The following RANBP3L variants were observed in gnomAD, a reference collection of about 807,000 sequenced individuals.
RANBP3L encodes RAN binding protein 3 like.
A neutral mutation model predicts 67.2 loss-of-function variants in RANBP3L; 56 were observed. The observed-to-expected ratio is 0.83, with a 90% CI of 0.67 to 1.04. The LOEUF (loss-of-function observed/expected upper bound fraction) is 1.04, where lower values mean the gene tolerates loss of function less well. Among genes scored for constraint, RANBP3L ranks in the 50% least tolerant of loss-of-function variants. RANBP3L has a pLI of 0.00. For synonymous variants in RANBP3L, 164 were observed against 181.4 expected (o/e 0.90, Z 0.77); for missense variants, 496 against 535.5 (o/e 0.93, Z 0.73).
intron 1 of RANBP3L, among the ~76,000 whole-genome samples, chr5:36,288,439 G>A (rs948185232): frequency 3.3e-5 from 5 of 152,098 alleles, no homozygotes; most frequent in South Asian, 2.1e-4. Context: ...AATCTGCTAC[G>A]AGCATTCTTG....
intron 8 of RANBP3L, among the ~76,000 whole-genome samples, chr5:36,259,527 G>A (rs1749221755): frequency 6.7e-6 from 1 of 150,138 alleles, no homozygotes; most frequent in African/African-American, 2.5e-5. Flanking sequence ...AGGTTGCAGT[G>A]AGCCGAGATC....
chr5:36,255,670 A>C, intron 10 of RANBP3L, 80 bp from the exon 11 acceptor site: 2 of 903,884 alleles, frequency 2.2e-6, no homozygotes, highest in Non-Finnish European at 3.4e-6. Context: ...TGACACGTTT[A>C]TATGTGTCTA....
chr5:36,289,562 C>T (rs188629572), intron 1 of RANBP3L, among the ~76,000 whole-genome samples: 2 of 152,284 alleles, frequency 1.3e-5, no homozygotes, highest in East Asian at 1.9e-4. Context: ...ATTCAGTCTT[C>T]TTCAGCTTCA....
At chr5:36,271,684 A>G (rs966264627) in intron 1 of RANBP3L, among the ~76,000 whole-genome samples, 1 of 152,202 alleles carries the variant, frequency 6.6e-6, no homozygotes, top group Non-Finnish European at 1.5e-5. Flanking sequence ...CTAATCTAGG[A>G]GTAGTACTTC....
intron 4 of RANBP3L, among the ~76,000 whole-genome samples, chr5:36,266,536 A>C (rs1415425665): frequency 1.3e-5 from 2 of 152,220 alleles, no homozygotes; most frequent in Non-Finnish European, 2.9e-5. Flanking sequence ...TTGAACATCA[A>C]CAAAAAAAGA....
At chr5:36,263,215 C>G (rs975074839) in intron 6 of RANBP3L, among the ~76,000 whole-genome samples, 4 of 151,932 alleles carry the variant, frequency 2.6e-5, no homozygotes, top group Non-Finnish European at 5.9e-5. Flanking sequence ...TACAGTAGGG[C>G]TTTTCAATAA....
At chr5:36,298,124 C>A (rs138705759) in intron 1 of RANBP3L, among the ~76,000 whole-genome samples, 9,560 of 151,490 alleles carry the variant, frequency 0.063, 414 homozygotes, top group Middle Eastern at 0.11. Context: ...TATGGTGAAA[C>A]CCCCGTCTCT....
chr5:36,266,047 T>C (rs1749760633), intron 4 of RANBP3L, among the ~76,000 whole-genome samples: 1 of 151,406 alleles, frequency 6.6e-6, no homozygotes, highest in South Asian at 2.1e-4. Context: ...TACTTTCAGA[T>C]ATCTAAGTGA....
chr5:36,269,945 C>CATT lies in RANBP3L; in HGVS notation c.190+3_190+5dup. 1 of 1,612,344 alleles carries CATT rather than the reference C, an allele frequency of 6.2e-7. No individual in the cohort carries two copies. Among genetic ancestry groups the CATT allele is most frequent in the Non-Finnish European group, 8.5e-7 (1 of 1,178,346 alleles). Reference sequence around the variant, plus strand: ...TGATTTTGGAATACAGGATGAAAATCATTACCTGGTTCTGCTGCTTCATAC... The same window carrying CATT: ...TGATTTTGGAATACAGGATGAAAATCATTATTACCTGGTTCTGCTGCTTCATAC... On this transcript the variant is annotated splice_donor_region_variant and intron_variant, in intron 3 of 13. Coordinates refer to ENST00000296604, the MANE Select transcript of RANBP3L (RefSeq NM_145000.5).
At position 36,257,540 on chromosome 5, in the gene RANBP3L, G is replaced by A; in HGVS notation, c.686C>T (p.Thr229Ile). 1 of 1,563,924 alleles carries A rather than the reference G, an allele frequency of 6.4e-7. No individual in the cohort carries two copies. The highest frequency in any genetic ancestry group is 8.7e-7 in the Non-Finnish European group (1 of 1,145,380). ...TGAATCATTTTCAAGTTGAGGCTGG[G>A]TGAGTTTTTGAGTACCCTGAGAGCG... ...VERVLGTQKL[T>I]QPQLENDSYA... is the part of the protein sequence containing the mutation. The change falls in exon 9 of 14, where the codon ACC becomes ATC. Residue 229 changes from threonine to isoleucine, a missense_variant. Thr to Ile is a moderately conservative substitution (Grantham distance 89). Transcript: ENST00000296604.
chr5:36,291,433 T>A (rs985160383), intron 1 of RANBP3L, among the ~76,000 whole-genome samples: 2 of 152,022 alleles, frequency 1.3e-5, no homozygotes, highest in Admixed American at 6.6e-5. Context: ...AGTTTTAGGG[T>A]ACATGTGCAC....
At chr5:36,296,219 G>A (rs1193126679) in intron 1 of RANBP3L, among the ~76,000 whole-genome samples, 1 of 152,176 alleles carries the variant, frequency 6.6e-6, no homozygotes, top group Non-Finnish European at 1.5e-5. Context: ...TCAAATCTGA[G>A]GGGTTGTGGG....
intron 10 of RANBP3L, among the ~76,000 whole-genome samples, chr5:36,255,804 A>C: frequency 6.6e-6 from 1 of 152,100 alleles, no homozygotes; most frequent in East Asian, 1.9e-4. Context: ...ATACAAAGTG[A>C]AAAGGGCCCC....
chr5:36,271,080 C>T (rs550675916), intron 2 of RANBP3L, among the ~76,000 whole-genome samples, 173 bp downstream of exon 2: 2 of 152,236 alleles, frequency 1.3e-5, no homozygotes, highest in African/African-American at 4.8e-5. Flanking sequence ...CTTCCCATTC[C>T]AGCCAAACTG....
At chr5:36,269,056 A>G (rs1750020309) in intron 4 of RANBP3L, among the ~76,000 whole-genome samples, 1 of 152,082 alleles carries the variant, frequency 6.6e-6, no homozygotes, top group Non-Finnish European at 1.5e-5. Context: ...CAAAGCTAAT[A>G]CAAGCTCAAT....
At chr5:36,254,196 A>G (rs1748802387) in intron 11 of RANBP3L, among the ~76,000 whole-genome samples, 1 of 82,394 alleles carries the variant, frequency 1.2e-5, no homozygotes, top group African/African-American at 3.4e-5. Flanking sequence ...GAATACTGCA[A>G]AAATAAATTT....
chr5:36,255,092 A>C (rs1429476931), intron 11 of RANBP3L, among the ~76,000 whole-genome samples: 1 of 152,154 alleles, frequency 6.6e-6, no homozygotes, highest in Non-Finnish European at 1.5e-5. Context: ...AAATAATAAT[A>C]AGATTACTAT....
chr5:36,280,523 C>A (rs1750900074), intron 1 of RANBP3L, among the ~76,000 whole-genome samples: 2 of 152,156 alleles, frequency 1.3e-5, no homozygotes, highest in Admixed American at 1.3e-4. Context: ...GTCCTAAAAA[C>A]AGAATTTTTG....
At chr5:36,272,829 G>A (rs966396767) in intron 1 of RANBP3L, among the ~76,000 whole-genome samples, 8 of 152,254 alleles carry the variant, frequency 5.3e-5, no homozygotes, top group African/African-American at 1.9e-4. Context: ...TTTTAGTAGA[G>A]ATGGAGTTTC....
Sources: gnomAD v4.1 joint callset for allele counts (sites outside exome capture counted in the v4.1 genomes callset) on GRCh38, gnomAD v4.1.1 for gene constraint, MANE v1.5 for transcripts, NCBI Gene and HGNC (gene_info 2026-07-23, HGNC 2026-07-21) for gene names.